The following HAT1 variants were observed in gnomAD, a reference collection of about 807,000 sequenced individuals.
HAT1 encodes histone acetyltransferase 1.
Under a neutral mutation model 56.6 loss-of-function variants are expected in HAT1, and 20 were observed. The ratio of observed to expected loss-of-function variants is 0.35; its 90% CI spans 0.25 to 0.51. The LOEUF is 0.51. Ranked by LOEUF, HAT1 falls within the 20% of genes least tolerant of loss-of-function variation. The pLI, the probability that HAT1 is intolerant of heterozygous loss-of-function variation, is 0.95. For missense variants in HAT1, 408 were observed against 504.3 expected, an observed-to-expected ratio of 0.81 and a Z score of 1.83; for synonymous variants, 146 against 165.5, an observed-to-expected ratio of 0.88 and a Z score of 0.91.
In HAT1 at chr2:171,965,499, T is replaced by C. The variant is rs752638788; in HGVS notation, c.471T>C (p.Phe157=). The change falls in exon 5 of 11, where the codon TTT becomes TTC. Residue 157 remains phenylalanine (F), a synonymous_variant. Transcript: ENST00000264108. ...SVLSPTGGEN[F]TFQIYKADMT... is the part of the protein sequence containing the mutation. The stretch of plus-strand genomic sequence containing the variant: ...TCAGTCCAACAGGAGGAGAAAACTT[T>C]ACCTTTCAGATATATAAGGTAAAGA... 33 of 1,584,932 alleles carry C rather than the reference T, an allele frequency of 2.1e-5. No individual in the cohort carries two copies. Among genetic ancestry groups the C allele is most frequent in the Non-Finnish European group, 2.7e-5 (31 of 1,162,794 alleles).
At chr2:171,941,367 C>T (rs1054759692) in intron 2 of HAT1, among the ~76,000 whole-genome samples, 2 of 152,112 alleles carry the variant, frequency 1.3e-5, no homozygotes, top group Non-Finnish European at 2.9e-5. Flanking sequence ...TGTGTGCCAC[C>T]ACAGCTGGCT....
chr2:171,974,166 CCT>C (rs1379273411), intron 8 of HAT1, among the ~76,000 whole-genome samples: 3 of 97,448 alleles, frequency 3.1e-5, no homozygotes, highest in East Asian at 4.0e-4. Context: ...TGAGTGAGAC[CCT>C]GTCTCAAAAA....
At chr2:171,925,514 C>A in intron 1 of HAT1, 23 bp from the exon 2 acceptor site, 1 of 1,075,944 alleles carries the variant, frequency 9.3e-7, no homozygotes, top group South Asian at 1.3e-5. Flanking sequence ...CAAACTAAAC[C>A]TTTTAAAAAC....
At chr2:171,949,630 C>T (rs961543846) in intron 3 of HAT1, among the ~76,000 whole-genome samples, 44 of 150,636 alleles carry the variant, frequency 2.9e-4, no homozygotes, top group Admixed American at 7.3e-4. Context: ...GCTGAGATTG[C>T]GCCACTGCAC....
intron 8 of HAT1, among the ~76,000 whole-genome samples, chr2:171,970,283 T>C (rs1413581225): frequency 2.0e-5 from 3 of 151,442 alleles, no homozygotes; most frequent in Non-Finnish European, 4.4e-5. Context: ...TAGCCAGGCG[T>C]GGTGGCATGC....
chr2:171,937,842 C>T (rs913427654), intron 2 of HAT1, among the ~76,000 whole-genome samples: 6 of 152,022 alleles, frequency 3.9e-5, no homozygotes, highest in Non-Finnish European at 7.4e-5. Flanking sequence ...AGCAACATAG[C>T]GAGACCTTGT....
At chr2:171,929,412 T>G (rs1012550624) in intron 2 of HAT1, among the ~76,000 whole-genome samples, 3 of 152,228 alleles carry the variant, frequency 2.0e-5, no homozygotes, top group Non-Finnish European at 4.4e-5. Context: ...TCTCTCAGTT[T>G]GTGGTTTGCC....
chr2:171,975,569 A>T (rs968594476), intron 8 of HAT1, among the ~76,000 whole-genome samples: 2 of 152,056 alleles, frequency 1.3e-5, no homozygotes, highest in Non-Finnish European at 2.9e-5. Context: ...TCACATAGTC[A>T]TTTACTTTTT....
chr2:171,979,524 A>G (rs1404322483), intron 10 of HAT1, 161 bp downstream of exon 10: 1 of 530,646 alleles, frequency 1.9e-6, no homozygotes, highest in South Asian at 2.2e-5. Flanking sequence ...ATTCTCACTC[A>G]TGGCCGGGCG....
intron 10 of HAT1, 71 bp downstream of exon 10, chr2:171,979,434 T>A (rs1438118097): frequency 2.5e-6 from 2 of 799,534 alleles, no homozygotes; most frequent in Non-Finnish European, 4.4e-6. Context: ...CTACCAAATA[T>A]CAGTATATGA....
chr2:171,925,031 C>T (rs1686549406), intron 1 of HAT1: 1 of 149,844 alleles, frequency 6.7e-6, no homozygotes, highest in African/African-American at 2.5e-5. Flanking sequence ...GCCTGTATCT[C>T]AAAAGTGATT....
intron 8 of HAT1, among the ~76,000 whole-genome samples, chr2:171,970,586 C>G (rs1687792164): frequency 8.0e-6 from 1 of 125,164 alleles, no homozygotes; most frequent in African/African-American, 3.2e-5. Flanking sequence ...GTGGTGCGAT[C>G]TTGGTTCACT....
chr2:171,953,114 G>A, intron 4 of HAT1, 113 bp downstream of exon 4: 1 of 546,912 alleles, frequency 1.8e-6, no homozygotes, highest in Non-Finnish European at 3.1e-6. Flanking sequence ...GGGGACCAAG[G>A]GGGGCAGATC....
At chr2:171,946,093 T>G (rs1687155959) in intron 2 of HAT1, among the ~76,000 whole-genome samples, 2 of 152,232 alleles carry the variant, frequency 1.3e-5, no homozygotes, top group African/African-American at 4.8e-5. Flanking sequence ...CATGAGCCAC[T>G]GCACCTGGCC....
intron 4 of HAT1, among the ~76,000 whole-genome samples, chr2:171,961,100 C>T (rs778012528): frequency 1.4e-4 from 21 of 152,220 alleles, no homozygotes; most frequent in Non-Finnish European, 2.2e-4. Flanking sequence ...CGAGTTCGCG[C>T]CACTGTACTC....
chr2:171,953,626 T>TAAAAAAAAAA (rs587686867), intron 4 of HAT1, among the ~76,000 whole-genome samples: 3,512 of 84,064 alleles, frequency 0.042, 203 homozygotes, highest in East Asian at 0.13. Context: ...CCCTGTCTCT[T>TAAAAAAAAAA]AAAAAAAAAA....
intron 4 of HAT1, among the ~76,000 whole-genome samples, chr2:171,963,492 T>C (rs1438138367): frequency 6.6e-6 from 1 of 152,162 alleles, no homozygotes; most frequent in Non-Finnish European, 1.5e-5. Flanking sequence ...TGTAAAGTGA[T>C]TTGCAATGCC....
At chr2:171,944,258 T>G (rs995313374) in intron 2 of HAT1, among the ~76,000 whole-genome samples, 2 of 152,192 alleles carry the variant, frequency 1.3e-5, no homozygotes, top group Admixed American at 1.3e-4. Flanking sequence ...TCCGTCCACA[T>G]GCAACTTTTC....
Position 171,966,568 on chromosome 2 carries a change from G to C in HAT1, c.716+55G>C, listed in dbSNP as rs1574060879. The C allele has an allele frequency of 4.8e-6, 4 of 839,544 alleles. No individual in the cohort carries two copies. The East Asian group carries it at 7.3e-5, about 15-fold the overall frequency. 52.0% of individuals were successfully genotyped at this position (839,544 alleles called of 1,614,324 possible). On this transcript the variant is annotated intron_variant, in intron 7 of 10. Transcript: ENST00000264108. ...TTTTATTTCAGAAGAAGGAACTGCTGAAGTTTCCAATACTTGTTATAATAG... is the reference window on the plus strand; with the variant it reads ...TTTTATTTCAGAAGAAGGAACTGCTCAAGTTTCCAATACTTGTTATAATAG...
Sources: allele counts gnomAD v4.1 joint callset (sites outside exome capture counted in the v4.1 genomes callset), GRCh38; gene constraint gnomAD v4.1.1; transcripts MANE v1.5; gene names NCBI Gene and HGNC (gene_info 2026-07-23, HGNC 2026-07-21).